TENM2: variants seen among roughly 807,000 people sequenced by gnomAD.
The protein encoded by TENM2 is teneurin transmembrane protein 2, also known as teneurin-2.
In TENM2, 52 loss-of-function variants were observed where a neutral mutation model predicts 245.2. The ratio of observed to expected loss-of-function variants is 0.21; its 90% CI spans 0.17 to 0.27. The LOEUF (loss-of-function observed/expected upper bound fraction) is 0.27, where lower values mean the gene tolerates loss of function less well. TENM2 is among the 10% of genes least tolerant of loss of function. The pLI is 1.00. For missense variants in TENM2, 3,046 were observed against 3,666.8 expected (o/e 0.83, Z 4.37); for synonymous variants, 1,363 against 1,438.9 (o/e 0.95, Z 1.19).
At chr5:167,609,519 C>CAAAAAAAT (rs1171421408) in intron 2 of TENM2, among the ~76,000 whole-genome samples, 2 of 128,952 alleles carry the variant, frequency 1.6e-5, no homozygotes, top group African/African-American at 6.2e-5. Flanking sequence ...AAAACAAAAC[C>CAAAAAAAT]TTACCTAGAA....
chr5:167,294,534 G>A (rs906807223), intron 1 of TENM2, among the ~76,000 whole-genome samples: 1 of 152,088 alleles, frequency 6.6e-6, no homozygotes, highest in African/African-American at 2.4e-5. Flanking sequence ...TCCTTTACAT[G>A]TGCTATTCAC....
chr5:168,160,966 G>A (rs572319208), intron 12 of TENM2, among the ~76,000 whole-genome samples: 1 of 152,180 alleles, frequency 6.6e-6, no homozygotes, highest in South Asian at 2.1e-4. Context: ...AGGAGTTCAA[G>A]GTGTCAGTGA....
chr5:167,456,675 A>T (rs1384737313), intron 2 of TENM2, among the ~76,000 whole-genome samples: 1 of 152,172 alleles, frequency 6.6e-6, no homozygotes, highest in Admixed American at 6.5e-5. Context: ...TCTGCTTTCA[A>T]TTTATTAGCT....
At chr5:167,206,883 A>G in the TENM2 span, among the ~76,000 whole-genome samples, 4 of 152,332 alleles carry the variant, frequency 2.6e-5, no homozygotes, top group East Asian at 7.7e-4. Context: ...TATCAAATAA[A>G]TAAATAGGCA....
At chr5:167,845,913 G>T (rs367742652) in intron 2 of TENM2, among the ~76,000 whole-genome samples, 1 of 152,118 alleles carries the variant, frequency 6.6e-6, no homozygotes, top group Admixed American at 6.5e-5. Context: ...TGGCCCGACT[G>T]CTCCTACAGT....
Position 167,699,509 on chromosome 5 carries a change from G to C in TENM2, c.503-176477G>C, listed in dbSNP as rs553628039. Among the ~76,000 whole-genome samples, 43 of 152,296 alleles carry C rather than the reference G, an allele frequency of 2.8e-4. 1 individual carries two copies. The East Asian group carries it at 8.3e-3, about 29-fold the overall frequency. On this transcript the variant is annotated intron_variant, in intron 2 of 28. Transcript: ENST00000518659. ...CATCCCCAAGTCTTACTTTACAGAT[G>C]AATCACCTTACTTTCAGCTGAAGCA...
intron 10 of TENM2, among the ~76,000 whole-genome samples, chr5:168,120,870 TC>T (rs1795421068): frequency 6.6e-6 from 1 of 152,250 alleles, no homozygotes; most frequent in Admixed American, 6.5e-5. Flanking sequence ...CCTTCGTTTT[TC>T]CTGCATAAAC....
At chr5:168,179,267 A>C (rs1759645549) in intron 13 of TENM2, among the ~76,000 whole-genome samples, 1 of 152,176 alleles carries the variant, frequency 6.6e-6, no homozygotes, top group African/African-American at 2.4e-5. Flanking sequence ...CAGTTTCTTT[A>C]TCTGCAAAAT....
chr5:167,086,577 CTGTT>C, the TENM2 span, among the ~76,000 whole-genome samples: 3 of 152,138 alleles, frequency 2.0e-5, no homozygotes, highest in South Asian at 4.2e-4. Flanking sequence ...TTTCATGCAC[CTGTT>C]TGTTTATTTT....
chr5:167,948,469 C>T (rs1779817466), intron 3 of TENM2, among the ~76,000 whole-genome samples: 1 of 152,210 alleles, frequency 6.6e-6, no homozygotes, highest in African/African-American at 2.4e-5. Context: ...TCTATAAATT[C>T]ACTTATCATT....
intron 2 of TENM2, among the ~76,000 whole-genome samples, chr5:167,613,477 A>G (rs1777600544): frequency 6.6e-6 from 1 of 152,158 alleles, no homozygotes; most frequent in Non-Finnish European, 1.5e-5. Context: ...GGTAAGAGGT[A>G]GAGGCTGGGA....
intron 15 of TENM2, among the ~76,000 whole-genome samples, chr5:168,196,602 C>T (rs1329624664): frequency 1.3e-5 from 2 of 152,206 alleles, no homozygotes; most frequent in Admixed American, 6.5e-5. Context: ...GCTGGGATTA[C>T]AGGCACCCGC....
intron 25 of TENM2, among the ~76,000 whole-genome samples, chr5:168,239,728 G>T (rs1284735480): frequency 2.6e-5 from 4 of 152,094 alleles, no homozygotes; most frequent in African/African-American, 9.6e-5. Flanking sequence ...TTTACATGTT[G>T]GTCTTTCCCA....
chr5:168,063,480 A>G (rs1211944129), intron 7 of TENM2, among the ~76,000 whole-genome samples: 2 of 152,132 alleles, frequency 1.3e-5, no homozygotes, highest in Non-Finnish European at 2.9e-5. Flanking sequence ...CCTGCCTTGT[A>G]TGCCCTCAAA....
intron 2 of TENM2, among the ~76,000 whole-genome samples, chr5:167,845,909 G>T (rs540984674): frequency 6.6e-6 from 1 of 152,286 alleles, no homozygotes; most frequent in Admixed American, 6.5e-5. Flanking sequence ...CAGCTGGCCC[G>T]ACTGCTCCTA....
intron 2 of TENM2, among the ~76,000 whole-genome samples, chr5:167,552,091 T>G (rs564001429): frequency 6.6e-6 from 1 of 152,278 alleles, no homozygotes; most frequent in African/African-American, 2.4e-5. Flanking sequence ...TAATCGAAAT[T>G]CTCAAGTGTC....
chr5:167,510,338 G>A (rs1769854828), intron 2 of TENM2, among the ~76,000 whole-genome samples: 1 of 152,224 alleles, frequency 6.6e-6, no homozygotes, highest in Admixed American at 6.5e-5. Context: ...CTGAAATAAT[G>A]TCTGTGACCA....
chr5:167,485,675 A>ATACT (rs1156293655), intron 2 of TENM2, among the ~76,000 whole-genome samples: 1 of 152,106 alleles, frequency 6.6e-6, no homozygotes, highest in African/African-American at 2.4e-5. Flanking sequence ...CAAAACAGCA[A>ATACT]TACTTATGAA....
the TENM2 span, among the ~76,000 whole-genome samples, chr5:167,087,044 A>G: frequency 6.6e-6 from 1 of 152,002 alleles, no homozygotes; most frequent in Admixed American, 6.6e-5. Context: ...ATTTTACAAA[A>G]GCTATTCAAG....
Sources: allele counts gnomAD v4.1 joint callset (sites outside exome capture counted in the v4.1 genomes callset), GRCh38; gene constraint gnomAD v4.1.1; transcripts MANE v1.5; gene names NCBI Gene and HGNC (gene_info 2026-07-23, HGNC 2026-07-21).